The following ZNF501 variants were observed in gnomAD, a reference collection of about 807,000 sequenced individuals.
ZNF501 encodes the protein zinc finger protein 52.
Under a neutral mutation model 5.7 loss-of-function variants are expected in ZNF501, and 7 were observed. The ratio of observed to expected loss-of-function variants is 1.24; its 90% CI spans 0.70 to 2.32. The LOEUF (loss-of-function observed/expected upper bound fraction) is 2.32. ZNF501 is among the 30% of genes most tolerant of loss of function. The pLI, the probability that ZNF501 is intolerant of heterozygous loss-of-function variation, is 0.00. For missense variants in ZNF501, 352 were observed against 321.1 expected, an observed-to-expected ratio of 1.10 and a Z score of -0.73; for synonymous variants, 107 against 101.9, an observed-to-expected ratio of 1.05 and a Z score of -0.30.
intron 2 of ZNF501, chr3:44,731,816 G>A (rs1704620508): frequency 6.6e-6 from 1 of 152,212 alleles, no homozygotes; most frequent in Non-Finnish European, 1.5e-5. Context: ...CTGAACTGAA[G>A]ACTCTACAGT....
At chr3:44,731,716 A>C (rs1704619266) in intron 2 of ZNF501, 156 bp downstream of exon 2, 1 of 152,216 alleles carries the variant, frequency 6.6e-6, no homozygotes, top group African/African-American at 2.4e-5. Context: ...ATTTTACTCA[A>C]ATCAGTGAGG....
In ZNF501 at chr3:44,734,393, G is replaced by A. The variant is rs368410318; in HGVS notation, c.-29G>A. On this transcript the variant is annotated 5_prime_UTR_variant, in exon 3 of 3. Transcript: ENST00000620116. ...AATCACCTTTGAGGAAAAAAAACTT[G>A]TAAGTATGAATTTGGTGTTACAAGC... 1.6e-5 allele frequency: 25 copies of A among 1,590,274 alleles called. No homozygotes were observed. The African/African-American group carries it at 3.4e-4, about 22-fold the overall frequency.
Position 44,736,748 on chromosome 3 carries a change from CTT to C in ZNF501, c.*1514_*1515del, listed in dbSNP as rs1481202767. The C allele has an allele frequency of 1.2e-5, 2 of 167,064 alleles. No homozygotes were observed. Among genetic ancestry groups the C allele is most frequent in the Non-Finnish European group, 1.5e-5 (1 of 68,114 alleles). The allele number at this position is 167,064 out of a possible 1,614,324, so 10.3% of individuals were successfully genotyped here. ...CACCAATAATATATGAATTTAGCAT[CTT>C]TTCATATGTTTGCCATCTGTATAGC... On this transcript the variant is annotated 3_prime_UTR_variant, in exon 3 of 3. Coordinates refer to ENST00000620116, the MANE Select transcript of ZNF501 (RefSeq NM_001258280.2).
In ZNF501 at chr3:44,734,778, A is replaced by G. The variant is rs1337103923; in HGVS notation, c.357A>G (p.Pro119=). Reference sequence around the variant, plus strand: ...GTGGAAAAGCCTTTTGTCAGAGCCCATCCCTTATTAAACACCAGCGAATTC... The same window carrying G: ...GTGGAAAAGCCTTTTGTCAGAGCCCGTCCCTTATTAAACACCAGCGAATTC... The part of the protein sequence containing the change: ...NECGKAFCQS[P]SLIKHQRIHT... Residue 119 remains proline (P), a synonymous_variant, in exon 3 of 3, where the codon CCA becomes CCG. Coordinates refer to ENST00000620116, the MANE Select transcript of ZNF501 (RefSeq NM_001258280.2). 3 of 1,613,920 alleles carry G rather than the reference A, an allele frequency of 1.9e-6. No individual in the cohort carries two copies. Among genetic ancestry groups the G allele is most frequent in the South Asian group, 2.2e-5 (2 of 91,086 alleles).
At position 44,731,263 on chromosome 3, in the gene ZNF501, C is replaced by G. The variant is rs184629524; in HGVS notation, c.-310-213C>G. Among the ~76,000 whole-genome samples the G allele has an allele frequency of 1.8e-3, 268 of 152,332 alleles. 7 individuals are homozygous for G. Among genetic ancestry groups the G allele is most frequent in the Admixed American group, 0.013 (192 of 15,306 alleles). On this transcript the variant is annotated intron_variant, in intron 1 of 2. Coordinates refer to ENST00000620116, the MANE Select transcript of ZNF501 (RefSeq NM_001258280.2). Reference sequence around the variant, plus strand: ...CCAGATGCTTAGTCCTAGGAAGGACCTGCCCTCTTTGTACATTGTCACATC... The same window carrying G: ...CCAGATGCTTAGTCCTAGGAAGGACGTGCCCTCTTTGTACATTGTCACATC...
rs1704668931 is a variant in ZNF501 at position 44,734,808 on chromosome 3, T to C, written c.387T>C (p.Thr129=). ...TTATTAAACACCAGCGAATTCATAC[T>C]GGAGAGAAACCATATAAATGTACAG... ...PSLIKHQRIH[T]GEKPYKCTEC... is the part of the protein sequence containing the mutation. The change falls in exon 3 of 3, where the codon ACT becomes ACC. Residue 129 remains threonine (T), a synonymous_variant. Transcript: ENST00000620116. 6.2e-7 allele frequency: 1 copy of C among 1,614,036 alleles called. No homozygotes were observed. The highest frequency in any genetic ancestry group is 8.5e-7 in the Non-Finnish European group (1 of 1,180,004).
rs749561742 is a variant in ZNF501, at chr3:44,736,914, CA to C, written c.*1678del. The C allele has an allele frequency of 3.6e-5, 6 of 166,830 alleles. No individual in the cohort carries two copies. Among genetic ancestry groups the C allele is most frequent in the African/African-American group, 7.2e-5 (3 of 41,402 alleles). The allele number at this position is 166,830 out of a possible 1,614,324, so 10.3% of individuals were successfully genotyped here. ...AGGTCTTTTGCAAATATTTTCCTCC[CA>C]GGCTGTGGCTTATTTTCTCAATCCT... is the stretch of plus-strand genomic sequence containing the variant. On this transcript the variant is annotated 3_prime_UTR_variant, in exon 3 of 3. Transcript: ENST00000620116.
In ZNF501 at chr3:44,734,494, A is replaced by G; in HGVS notation, c.73A>G (p.Ser25Gly). 1 of 1,614,220 alleles carries G rather than the reference A, an allele frequency of 6.2e-7. No homozygotes were observed. Among genetic ancestry groups the G allele is most frequent in the Non-Finnish European group, 8.5e-7 (1 of 1,180,024 alleles). ...CATGCAGAAGAAACCTTCAAAGTGT[A>G]GTGAATGTGGGAAGTTCTTTACTCA... ...VNMQKKPSKC[S>G]ECGKFFTQRS... The change falls in exon 3 of 3, where the codon AGT (serine) becomes GGT (glycine). Residue 25 changes from serine (S) to glycine (G), a missense_variant. Transcript: ENST00000620116.
intron 1 of ZNF501, 55 bp downstream of exon 1, chr3:44,730,070 A>G (rs1704585999): frequency 6.6e-6 from 1 of 152,174 alleles, no homozygotes; most frequent in Non-Finnish European, 1.5e-5. Flanking sequence ...TTCTCTAACA[A>G]CAACAAAATA....
intron 2 of ZNF501, among the ~76,000 whole-genome samples, chr3:44,733,735 A>G (rs1704650948): frequency 6.6e-6 from 1 of 152,210 alleles, no homozygotes; most frequent in Non-Finnish European, 1.5e-5. Flanking sequence ...TTTCAAACCT[A>G]TAGGTTTCCA....
chr3:44,734,607 G>C lies in ZNF501; in HGVS notation c.186G>C (p.Gln62His). Residue 62 changes from glutamine to histidine, a missense_variant, in exon 3 of 3, where the codon CAG (glutamine) becomes CAC (histidine). Physicochemically the swap from Gln to His is conservative, Grantham distance 24 (BLOSUM62 0). Coordinates refer to ENST00000620116, the MANE Select transcript of ZNF501 (RefSeq NM_001258280.2). ...CSECGSCFRK[Q>H]SNLTQHLRIH... ...AATGTGGAAGTTGTTTCCGTAAACA[G>C]TCAAATCTTACTCAACATCTGAGAA... The C allele has an allele frequency of 1.2e-6, 2 of 1,614,142 alleles. No homozygotes were observed. The highest frequency in any genetic ancestry group is 3.3e-5 in the Admixed American group (2 of 60,016).
chr3:44,730,054 T>G (rs1296319933), intron 1 of ZNF501, 39 bp downstream of exon 1: 1 of 152,224 alleles, frequency 6.6e-6, no homozygotes, highest in Non-Finnish European at 1.5e-5. Flanking sequence ...CCTTCATTAT[T>G]TATTCTTCTC....
At chr3:44,732,161 T>A (rs1704624541) in intron 2 of ZNF501, 2 of 152,214 alleles carry the variant, frequency 1.3e-5, no homozygotes, top group Admixed American at 6.5e-5. Flanking sequence ...TTTGGATTAG[T>A]TTAATATGTA....
chr3:44,734,872 C>A lies in ZNF501; in HGVS notation c.451C>A (p.Arg151Ser). ...KAFSQSICLTRHQRSHSGDKP... is the reference protein window; with the variant it reads ...KAFSQSICLTSHQRSHSGDKP... ...CTTCAGTCAGAGCATATGCCTTACT[C>A]GTCATCAGAGAAGTCATTCTGGAGA... Residue 151 changes from arginine (R) to serine (S), a missense_variant, in exon 3 of 3, where the codon CGT becomes AGT. Coordinates refer to ENST00000620116, the MANE Select transcript of ZNF501 (RefSeq NM_001258280.2). 1 of 1,613,760 alleles carries A rather than the reference C, an allele frequency of 6.2e-7. No homozygotes were observed. Among genetic ancestry groups the A allele is most frequent in the Non-Finnish European group, 8.5e-7 (1 of 1,180,002 alleles).
chr3:44,734,618 C>T lies in ZNF501; in HGVS notation c.197C>T (p.Thr66Ile). The T allele has an allele frequency of 6.2e-7, 1 of 1,614,110 alleles. No individual in the cohort carries two copies. The change falls in exon 3 of 3, where the codon ACT becomes ATT. Residue 66 changes from threonine to isoleucine, a missense_variant. Thr to Ile is a moderately conservative substitution (Grantham distance 89). Transcript: ENST00000620116. ...TGTTTCCGTAAACAGTCAAATCTTA[C>T]TCAACATCTGAGAATTCATACCGGA... ...GSCFRKQSNL[T>I]QHLRIHTGEK... is the part of the protein sequence containing the mutation.
intron 1 of ZNF501, among the ~76,000 whole-genome samples, chr3:44,730,314 G>C (rs1323087457): frequency 1.3e-5 from 2 of 152,212 alleles, no homozygotes; most frequent in Non-Finnish European, 2.9e-5. Flanking sequence ...TGCCATACTT[G>C]TAAGTTTGCT....
rs1326233479 is a variant in ZNF501 at position 44,734,761 on chromosome 3, G to C, written c.340G>C (p.Ala114Pro). 6.2e-7 allele frequency: 1 copy of C among 1,613,994 alleles called. No individual in the cohort carries two copies. Among genetic ancestry groups the C allele is most frequent in the Non-Finnish European group, 8.5e-7 (1 of 1,179,986 alleles). The change falls in exon 3 of 3, where the codon GCC (alanine) becomes CCC (proline). Residue 114 changes from alanine to proline, a missense_variant. Physicochemically the swap from Ala to Pro is conservative, Grantham distance 27. Transcript: ENST00000620116. ...KPYKCNECGK[A>P]FCQSPSLIKH... ...CTATAAATGCAATGAATGTGGAAAA[G>C]CCTTTTGTCAGAGCCCATCCCTTAT...
At chr3:44,732,867 A>G (rs921621453) in intron 2 of ZNF501, among the ~76,000 whole-genome samples, 1 of 152,232 alleles carries the variant, frequency 6.6e-6, no homozygotes, top group African/African-American at 2.4e-5. Context: ...TCTGTATACT[A>G]GGCTGGAGTG....
chr3:44,733,213 G>C (rs1205427959), intron 2 of ZNF501, among the ~76,000 whole-genome samples: 1 of 152,166 alleles, frequency 6.6e-6, no homozygotes, highest in Admixed American at 6.5e-5. Context: ...ACAAAAATGG[G>C]CCTCAGAGAA....
Sources: gnomAD v4.1 joint callset for allele counts (sites outside exome capture counted in the v4.1 genomes callset) on GRCh38, gnomAD v4.1.1 for gene constraint, MANE v1.5 for transcripts, NCBI Gene and HGNC (gene_info 2026-07-23, HGNC 2026-07-21) for gene names.